Variants in C14orf180 observed in about 807,000 individuals in gnomAD.
C14orf180 encodes the protein chromosome 14 open reading frame 180, also known as nutritionally-regulated adipose and cardiac enriched protein homolog.
In C14orf180, 13 loss-of-function variants were observed where a neutral mutation model predicts 13.9. The observed-to-expected ratio is 0.94, with a 90% CI of 0.61 to 1.49. The LOEUF (loss-of-function observed/expected upper bound fraction) is 1.49, where lower values mean the gene tolerates loss of function less well. Ranked by LOEUF, C14orf180 falls within the 40% of genes most tolerant of loss-of-function variation. C14orf180 has a pLI of 0.00. For missense variants in C14orf180, 238 were observed against 232.0 expected (o/e 1.03, Z -0.17); for synonymous variants, 113 against 106.3 (o/e 1.06, Z -0.39).
chr14:104,589,444 C>G lies in C14orf180; in HGVS notation c.*661C>G, dbSNP rs954577450. On this transcript the variant is annotated 3_prime_UTR_variant, in exon 5 of 5. Transcript: ENST00000557649. This position sits in a 1 kb window ranked among gnomAD's most constrained non-coding sequence, Gnocchi z 4.9. ...GGACAGCAAGGGGCCCAGACACCCC[C>G]GACCTTCAGAACAGCCATCTGTGCC... 1 of 152,812 alleles carries G rather than the reference C, an allele frequency of 6.5e-6. No individual in the cohort carries two copies. The highest frequency in any genetic ancestry group is 2.4e-5 in the African/African-American group (1 of 41,428). 9.5% of individuals were successfully genotyped at this position (152,812 alleles called of 1,614,324 possible). A position where few individuals can be genotyped will look rare whatever the true frequency, so the allele number is the denominator to read the frequency against.
intron 1 of C14orf180, among the ~76,000 whole-genome samples, chr14:104,585,786 G>A (rs552134527): frequency 2.9e-4 from 44 of 152,046 alleles, no homozygotes; most frequent in African/African-American, 1.0e-3. Flanking sequence ...GAGAGATGGA[G>A]ACAGAGAGAT....
intron 1 of C14orf180, among the ~76,000 whole-genome samples, chr14:104,585,118 C>G (rs10132112): frequency 0.21 from 32,234 of 152,208 alleles, 5,351 homozygotes; most frequent in East Asian, 0.73. Flanking sequence ...CACGGGGAGC[C>G]AGGGAAGCAT....
intron 2 of C14orf180, among the ~76,000 whole-genome samples, chr14:104,587,502 C>T (rs907471291): frequency 1.3e-5 from 2 of 152,130 alleles, no homozygotes; most frequent in Non-Finnish European, 2.9e-5. Context: ...TGGGGACTTG[C>T]GTGAAGAGAC....
intron 1 of C14orf180, among the ~76,000 whole-genome samples, chr14:104,582,143 G>A (rs1362015603): frequency 6.6e-6 from 1 of 152,218 alleles, no homozygotes; most frequent in Admixed American, 6.5e-5. Flanking sequence ...TGGGCTGTGG[G>A]CAAAAGGGCG....
intron 1 of C14orf180, among the ~76,000 whole-genome samples, chr14:104,584,471 C>T (rs1242067429): frequency 1.3e-5 from 2 of 152,158 alleles, no homozygotes; most frequent in African/African-American, 4.8e-5. Context: ...ATCCAGAGAG[C>T]CCTTCCAGCC....
intron 3 of C14orf180, 65 bp from the exon 4 acceptor site, chr14:104,588,209 G>C: frequency 6.2e-7 from 1 of 1,600,672 alleles, no homozygotes; most frequent in Non-Finnish European, 8.6e-7. Flanking sequence ...GGTGAGACGA[G>C]AGGGCGGGGG....
At position 104,589,211 on chromosome 14, in the gene C14orf180, A is replaced by T; in HGVS notation, c.*428A>T. 1 of 305,830 alleles carries T rather than the reference A, an allele frequency of 3.3e-6. No homozygotes were observed. Among genetic ancestry groups the T allele is most frequent in the Non-Finnish European group, 6.0e-6 (1 of 167,410 alleles). The allele number at this position is 305,830 out of a possible 1,614,324, so 18.9% of individuals were successfully genotyped here. A position where few individuals can be genotyped will look rare whatever the true frequency, so the allele number is the denominator to read the frequency against. ...TCAAGGGGCTGCTCGGAGGAGGCAA[A>T]CCCAGCCTTTTGCGATTATGGCTTG... On this transcript the variant is annotated 3_prime_UTR_variant, in exon 5 of 5. Transcript: ENST00000557649. This position sits in a 1 kb window ranked among gnomAD's most constrained non-coding sequence, Gnocchi z 4.9.
At chr14:104,582,558 C>T (rs775459988) in intron 1 of C14orf180, among the ~76,000 whole-genome samples, 5 of 152,182 alleles carry the variant, frequency 3.3e-5, no homozygotes, top group African/African-American at 4.8e-5. Context: ...CTGGGAGCTC[C>T]GGGCCCTGAC....
intron 2 of C14orf180, 113 bp from the exon 3 acceptor site, chr14:104,587,636 C>T: frequency 8.9e-7 from 1 of 1,119,394 alleles, no homozygotes; most frequent in Non-Finnish European, 1.3e-6. Flanking sequence ...GCGCACCAGC[C>T]AGGACAGGGT....
chr14:104,587,799 G>A lies in C14orf180; in HGVS notation c.162G>A (p.Glu54=). ...PPSILKRSRP[E]HHRPEAKPQR... is the part of the protein sequence containing the mutation. Reference sequence around the variant, plus strand: ...CCATCCTGAAACGGAGCCGGCCGGAGCACCACCGCCCAGAGGCCAAGCCCC... The same window carrying A: ...CCATCCTGAAACGGAGCCGGCCGGAACACCACCGCCCAGAGGCCAAGCCCC... The change falls in exon 3 of 5, where the codon GAG becomes GAA. Residue 54 remains glutamate (E), a synonymous_variant. Transcript: ENST00000557649. 3 of 1,612,660 alleles carry A rather than the reference G, an allele frequency of 1.9e-6. No homozygotes were observed. Among genetic ancestry groups the A allele is most frequent in the Non-Finnish European group, 2.5e-6 (3 of 1,179,644 alleles).
rs1886377898 is a variant in C14orf180, at chr14:104,579,804, G to A, written c.-216G>A. On this transcript the variant is annotated 5_prime_UTR_variant, in exon 1 of 5. Transcript: ENST00000557649. Reference sequence around the variant, plus strand: ...CTGCCAGCGGGCGGTGGCGCCTCCAGATCAGAGCCCTCGGGAAGGAGGCCT... The same window carrying A: ...CTGCCAGCGGGCGGTGGCGCCTCCAAATCAGAGCCCTCGGGAAGGAGGCCT... 6.6e-6 allele frequency: 1 copy of A among 152,282 alleles called. No homozygotes were observed. The highest frequency in any genetic ancestry group is 2.4e-5 in the African/African-American group (1 of 41,450). 9.4% of individuals were successfully genotyped at this position (152,282 alleles called of 1,614,324 possible).
At position 104,586,474 on chromosome 14, in the gene C14orf180, A is replaced by G; in HGVS notation, c.44A>G (p.Glu15Gly). 1 of 1,550,368 alleles carries G rather than the reference A, an allele frequency of 6.5e-7. No individual in the cohort carries two copies. Among genetic ancestry groups the G allele is most frequent in the Non-Finnish European group, 8.7e-7 (1 of 1,146,802 alleles). ...AGAVSPDSRP[E>G]TRRQTRKNEE... ...GCCGTGAGCCCTGACTCCCGGCCAG[A>G]GACACGACGTCAGACCAGAAAGAAT... Residue 15 changes from glutamate to glycine, a missense_variant, in exon 2 of 5, where the codon GAG becomes GGG. Physicochemically the swap from Glu to Gly is moderately conservative, Grantham distance 98 (BLOSUM62 -2). Transcript: ENST00000557649.
chr14:104,581,701 G>A (rs2140454788), intron 1 of C14orf180: 1 of 152,404 alleles, frequency 6.6e-6, no homozygotes, highest in South Asian at 2.1e-4. Flanking sequence ...TGGGGGTGGG[G>A]GCTGTGAGTC....
At position 104,584,524 on chromosome 14, in the gene C14orf180, C is replaced by T. The variant is rs375071085; in HGVS notation, c.-16-1891C>T. ...AGGCAGTCAAGGTTGCCCTGCCAGG[C>T]AGCATCCCCAAAACACCAGGACAGG... On this transcript the variant is annotated intron_variant, in intron 1 of 4. Transcript: ENST00000557649. Among the ~76,000 whole-genome samples the T allele has an allele frequency of 1.2e-4, 19 of 152,310 alleles. No individual in the cohort carries two copies. In the East Asian group the frequency reaches 3.5e-3, roughly 28 times the overall value.
At chr14:104,580,120 G>A (rs1886388963) in intron 1 of C14orf180, 117 bp downstream of exon 1, 1 of 152,280 alleles carries the variant, frequency 6.6e-6, no homozygotes, top group African/African-American at 2.4e-5. Flanking sequence ...TGGGCAGCAG[G>A]TGTGGGCAGA....
In C14orf180 at chr14:104,587,740, C is replaced by A; in HGVS notation, c.112-9C>A. 6.2e-7 allele frequency: 1 copy of A among 1,611,802 alleles called. No homozygotes were observed. Among genetic ancestry groups the A allele is most frequent in the Non-Finnish European group, 8.5e-7 (1 of 1,179,298 alleles). On this transcript the variant is annotated splice_polypyrimidine_tract_variant and intron_variant, in intron 2 of 4. Transcript: ENST00000557649. ...GGACTCACCAGTCTGCTTCCCGCCC[C>A]CACACCAGGAGGACAACAGGAAGTG...
rs961436451 is a variant in C14orf180, at chr14:104,581,817, AG to A, written c.-17+1817del. Among the ~76,000 whole-genome samples the A allele has an allele frequency of 2.6e-4, 30 of 117,130 alleles. 1 individual carries two copies. The highest frequency in any genetic ancestry group is 8.6e-4 in the African/African-American group (30 of 34,768). The allele number at this position is 117,130 out of a possible 152,430, so 76.8% of individuals were successfully genotyped here. ...GAGGCTGCACCTGGAACAGGGAAAC[AG>A]GGAGCCTGGCCCCAGCCTGCACTCG... On this transcript the variant is annotated intron_variant, in intron 1 of 4. Coordinates refer to ENST00000557649, the MANE Select transcript of C14orf180 (RefSeq NM_001008404.3).
rs755265727 is a variant in C14orf180 at position 104,587,796 on chromosome 14, G to A, written c.159G>A (p.Pro53=). 90 of 1,612,472 alleles carry A rather than the reference G, an allele frequency of 5.6e-5. No individual in the cohort carries two copies. The East Asian group carries it at 1.5e-3, about 27-fold the overall frequency. The change falls in exon 3 of 5, where the codon CCG becomes CCA. Residue 53 remains proline (P), a synonymous_variant. Coordinates refer to ENST00000557649, the MANE Select transcript of C14orf180 (RefSeq NM_001008404.3). ...CPPSILKRSR[P]EHHRPEAKPQ... ...CCTCCATCCTGAAACGGAGCCGGCCGGAGCACCACCGCCCAGAGGCCAAGC... is the reference window on the plus strand; with the variant it reads ...CCTCCATCCTGAAACGGAGCCGGCCAGAGCACCACCGCCCAGAGGCCAAGC...
rs548310273 is a variant in C14orf180 at position 104,586,371 on chromosome 14, C to T, written c.-16-44C>T. ...CCTCTTATTTTCATTCCTCTGAGTG[C>T]CACTTGTGCAGTAAATAATAAATAA... On this transcript the variant is annotated intron_variant, in intron 1 of 4. Transcript: ENST00000557649. 1.2e-5 allele frequency: 15 copies of T among 1,217,698 alleles called. No individual in the cohort carries two copies. In the East Asian group the frequency reaches 3.6e-4, roughly 29 times the overall value. The allele number at this position is 1,217,698 out of a possible 1,614,324, so 75.4% of individuals were successfully genotyped here.
Sources: gnomAD v4.1 joint callset for allele counts (sites outside exome capture counted in the v4.1 genomes callset) on GRCh38, gnomAD v4.1.1 for gene constraint, Gnocchi (gnomAD v3.1) non-coding constraint, MANE v1.5 for transcripts, NCBI Gene and HGNC (gene_info 2026-07-23, HGNC 2026-07-21) for gene names.